ADGRV1: variants seen among roughly 807,000 people sequenced by gnomAD.
ADGRV1 encodes G-protein coupled receptor 98.
A neutral mutation model predicts 596.2 loss-of-function variants in ADGRV1; 359 were observed. The observed-to-expected ratio is 0.60, with a 90% CI of 0.55 to 0.66. The LOEUF (loss-of-function observed/expected upper bound fraction) is 0.66. ADGRV1 is among the 30% of genes least tolerant of loss of function. The pLI is 0.00. For missense variants in ADGRV1, 7,274 were observed against 7,575.6 expected (o/e 0.96, Z 1.48); for synonymous variants, 2,681 against 2,679.2 (o/e 1.00, Z -0.02).
intron 77 of ADGRV1, among the ~76,000 whole-genome samples, chr5:90,839,631 C>G (rs1189028161): frequency 6.6e-6 from 1 of 152,164 alleles, no homozygotes; most frequent in Non-Finnish European, 1.5e-5. Flanking sequence ...ATTCTTTCTG[C>G]CTAGAATATT....
intron 24 of ADGRV1, 116 bp downstream of exon 24, chr5:90,675,561 C>T: frequency 1.9e-6 from 2 of 1,038,398 alleles, no homozygotes; most frequent in Non-Finnish European, 2.9e-6. Flanking sequence ...GTAATCCTAG[C>T]ACTTTGGGAG....
intron 77 of ADGRV1, among the ~76,000 whole-genome samples, chr5:90,838,073 C>T (rs1024292097): frequency 6.6e-6 from 1 of 152,166 alleles, no homozygotes; most frequent in African/African-American, 2.4e-5. Flanking sequence ...TGTCTGTGAA[C>T]TATCCATGCT....
intron 83 of ADGRV1, among the ~76,000 whole-genome samples, chr5:90,891,293 G>C (rs1320636567): frequency 6.6e-6 from 1 of 150,890 alleles, no homozygotes; most frequent in Non-Finnish European, 1.5e-5. Flanking sequence ...ATAGATGTGT[G>C]TATTGGGGTA....
intron 4 of ADGRV1, among the ~76,000 whole-genome samples, chr5:90,621,210 T>C (rs1285546791): frequency 2.6e-5 from 4 of 152,216 alleles, no homozygotes; most frequent in Non-Finnish European, 5.9e-5. Context: ...TTATAATTAA[T>C]AAAACACGTT....
intron 34 of ADGRV1, among the ~76,000 whole-genome samples, chr5:90,701,662 C>G (rs1231675985): frequency 6.6e-6 from 1 of 151,892 alleles, no homozygotes; most frequent in Non-Finnish European, 1.5e-5. Context: ...TTGCAAGTTA[C>G]TTTCATAGTA....
rs1269766372 is a variant in ADGRV1, at chr5:90,895,183, C to T, written c.17856+31326C>T. Among the ~76,000 whole-genome samples, 5 of 152,148 alleles carry T rather than the reference C, an allele frequency of 3.3e-5. No individual in the cohort carries two copies. In the East Asian group the frequency reaches 9.6e-4, roughly 29 times the overall value. On this transcript the variant is annotated intron_variant, in intron 83 of 89. Coordinates refer to ENST00000405460, the MANE Select transcript of ADGRV1 (RefSeq NM_032119.4). ...GGGCTCAAGTGATCCTCATGCCTTA[C>T]TGAGTTTCTAATATGGGCCAGGTAA...
intron 89 of ADGRV1, among the ~76,000 whole-genome samples, chr5:91,160,569 T>C (rs1796859411): frequency 6.6e-6 from 1 of 152,200 alleles, no homozygotes; most frequent in Non-Finnish European, 1.5e-5. Flanking sequence ...TTTTAGTTCC[T>C]TTATAATTGC....
intron 23 of ADGRV1, 36 bp from the exon 24 acceptor site, chr5:90,675,207 A>G: frequency 6.3e-7 from 1 of 1,578,134 alleles, no homozygotes; most frequent in South Asian, 1.1e-5. Flanking sequence ...TGCACAGTTC[A>G]TTGGGACAAT....
intron 50 of ADGRV1, among the ~76,000 whole-genome samples, chr5:90,730,694 G>A (rs2149825059): frequency 6.6e-6 from 1 of 152,292 alleles, no homozygotes; most frequent in Middle Eastern, 3.4e-3. Context: ...CCTTGGGTGG[G>A]CCAGTGATGA....
At chr5:90,722,476 C>T (rs1751180484) in intron 45 of ADGRV1, among the ~76,000 whole-genome samples, 1 of 150,812 alleles carries the variant, frequency 6.6e-6, no homozygotes, top group Non-Finnish European at 1.5e-5. Flanking sequence ...TTTGGGAGGC[C>T]GAGGTGGGCG....
chr5:90,863,831 A>C lies in ADGRV1; in HGVS notation c.17830A>C (p.Met5944Leu). 2 of 1,613,166 alleles carry C rather than the reference A, an allele frequency of 1.2e-6. No individual in the cohort carries two copies. The highest frequency in any genetic ancestry group is 1.3e-5 in the African/African-American group (1 of 75,018). The stretch of plus-strand genomic sequence containing the variant: ...GTTTGCAGCTAAACTTCTGACTCAC[A>C]TGATGGCAGCCAGCTTAGGTACACA... The part of the protein sequence containing the change: ...SMFAAKLLTH[M>L]MAASLGTQIL... Residue 5944 changes from methionine (M) to leucine (L), a missense_variant, in exon 83 of 90, where the codon ATG becomes CTG. Physicochemically the swap from Met to Leu is conservative, Grantham distance 15. This residue lies in a region of ADGRV1 where 1,874 missense variants were observed against 1,970.2 expected (regional missense o/e 0.95). Transcript: ENST00000405460.
intron 1 of ADGRV1, among the ~76,000 whole-genome samples, chr5:90,592,618 G>A (rs11954191): frequency 0.074 from 11,264 of 152,106 alleles, 1,383 homozygotes; most frequent in African/African-American, 0.26. Context: ...CTTCTAGGAA[G>A]GAACTTCTGC....
intron 86 of ADGRV1, among the ~76,000 whole-genome samples, chr5:91,078,454 C>T (rs1175569670): frequency 6.6e-6 from 1 of 152,216 alleles, no homozygotes. Flanking sequence ...CTCCTCACAT[C>T]AAAGGATGGA....
At chr5:90,934,425 C>G (rs765631266) in intron 83 of ADGRV1, among the ~76,000 whole-genome samples, 7 of 152,166 alleles carry the variant, frequency 4.6e-5, no homozygotes, top group Non-Finnish European at 1.0e-4. Context: ...CCTTCTAAGT[C>G]TAATAAAATC....
In ADGRV1 at chr5:90,586,925, T is replaced by C. The variant is rs149190372; in HGVS notation, c.23-27910T>C. On this transcript the variant is annotated intron_variant, in intron 1 of 89. Coordinates refer to ENST00000405460, the MANE Select transcript of ADGRV1 (RefSeq NM_032119.4). Reference sequence around the variant, plus strand: ...CTGGAATTTTTCTGTAAGGAAAAACTTTTTCCTTAACAACTTGGCTATTTG... The same window carrying C: ...CTGGAATTTTTCTGTAAGGAAAAACCTTTTCCTTAACAACTTGGCTATTTG... Among the ~76,000 whole-genome samples the C allele has an allele frequency of 2.6e-3, 402 of 152,366 alleles. 1 individual carries two copies. The highest frequency in any genetic ancestry group is 8.7e-3 in the African/African-American group (363 of 41,584).
chr5:91,049,034 C>T (rs567247223), intron 85 of ADGRV1, among the ~76,000 whole-genome samples: 4 of 151,402 alleles, frequency 2.6e-5, no homozygotes, highest in African/African-American at 9.7e-5. Context: ...CATATTGCAG[C>T]CTATATTTAT....
At chr5:90,765,316 G>T (rs753793474) in intron 59 of ADGRV1, among the ~76,000 whole-genome samples, 4 of 152,086 alleles carry the variant, frequency 2.6e-5, no homozygotes, top group Non-Finnish European at 5.9e-5. Context: ...CACCTCGAGA[G>T]CTGTCTTTGA....
At chr5:90,618,738 A>G (rs934791991) in intron 3 of ADGRV1, among the ~76,000 whole-genome samples, 4 of 152,106 alleles carry the variant, frequency 2.6e-5, no homozygotes, top group Non-Finnish European at 5.9e-5. Flanking sequence ...ATTACATTGA[A>G]TAGAATTTTG....
chr5:91,066,308 C>T (rs1787879081), intron 85 of ADGRV1, among the ~76,000 whole-genome samples: 1 of 152,220 alleles, frequency 6.6e-6, no homozygotes, highest in Admixed American at 6.5e-5. Context: ...CCTAACACCC[C>T]TGATCACTTT....
Sources: gnomAD v4.1 joint callset for allele counts (sites outside exome capture counted in the v4.1 genomes callset) on GRCh38, gnomAD v4.1.1 for gene constraint, gnomAD v4.1.1 regional missense constraint, MANE v1.5 for transcripts, NCBI Gene and HGNC (gene_info 2026-07-23, HGNC 2026-07-21) for gene names.